Variants in MAP1S observed in about 807,000 individuals in gnomAD.
The protein encoded by MAP1S is microtubule associated protein 1S.
In MAP1S, 27 loss-of-function variants were observed where a neutral mutation model predicts 60.9. The ratio of observed to expected loss-of-function variants is 0.44; its 90% CI spans 0.33 to 0.61. The LOEUF (loss-of-function observed/expected upper bound fraction) is 0.61, where lower values mean the gene tolerates loss of function less well. MAP1S is among the 20% of genes least tolerant of loss of function. MAP1S has a pLI of 0.03. For missense variants in MAP1S, 1,608 were observed against 1,486.6 expected, an observed-to-expected ratio of 1.08 and a Z score of -1.34; for synonymous variants, 826 against 694.2, an observed-to-expected ratio of 1.19 and a Z score of -2.98.
At position 17,727,125 on chromosome 19, in the gene MAP1S, C is replaced by T. The variant is rs772289572; in HGVS notation, c.1741C>T (p.Arg581Cys). Reference protein sequence around the residue: ...SGFPPVANGPRSPPSLRCGEA... With the variant: ...SGFPPVANGPCSPPSLRCGEA... Reference sequence around the variant, plus strand: ...CTTCCCGCCGGTGGCAAATGGACCCCGCAGCCCGCCCAGCCTCCGATGTGG... The same window carrying T: ...CTTCCCGCCGGTGGCAAATGGACCCTGCAGCCCGCCCAGCCTCCGATGTGG... The change falls in exon 5 of 7, where the codon CGC (arginine) becomes TGC (cysteine). Residue 581 changes from arginine (R) to cysteine (C), a missense_variant. Arg to Cys is a radical substitution (Grantham distance 180). Coordinates refer to ENST00000324096, the MANE Select transcript of MAP1S (RefSeq NM_018174.6). This position sits in a 1 kb window ranked among gnomAD's most constrained non-coding sequence, Gnocchi z 4.1. 9 of 1,595,222 alleles carry T rather than the reference C, an allele frequency of 5.6e-6. No homozygotes were observed. Among genetic ancestry groups the T allele is most frequent in the East Asian group, 2.3e-5 (1 of 44,054 alleles).
chr19:17,729,852 G>A (rs964228079), intron 5 of MAP1S, among the ~76,000 whole-genome samples: 3 of 152,120 alleles, frequency 2.0e-5, no homozygotes. Context: ...TAGTAGAGAT[G>A]GGGTTTCACC....
chr19:17,732,097 C>T (rs2080498281), intron 5 of MAP1S, among the ~76,000 whole-genome samples: 1 of 152,208 alleles, frequency 6.6e-6, no homozygotes, highest in South Asian at 2.1e-4. Context: ...GTGTTCCTTC[C>T]TCTTCAGTTC....
intron 5 of MAP1S, chr19:17,732,965 T>A: frequency 1.9e-6 from 1 of 524,426 alleles, no homozygotes; most frequent in South Asian, 2.9e-5. Flanking sequence ...GGCAGGAGGA[T>A]CACTTGAGCC....
Position 17,725,831 on chromosome 19 carries a change from C to T in MAP1S, c.447C>T (p.Ile149=). The T allele has an allele frequency of 6.2e-7, 1 of 1,610,188 alleles. No individual in the cohort carries two copies. Among genetic ancestry groups the T allele is most frequent in the Non-Finnish European group, 8.5e-7 (1 of 1,178,594 alleles). ...CTTACCACTCCTCCTCCATACAGAT[C>T]CGGGACATCCTGGCCACCACGCCCC... ...HFLQVLKDRE[I]RDILATTPPP... Residue 149 remains isoleucine (I), a splice_region_variant and synonymous_variant, in exon 5 of 7, where the codon ATC becomes ATT. Transcript: ENST00000324096. The surrounding 1 kb of genome is among the most constrained non-coding windows in gnomAD (Gnocchi z 4.2).
chr19:17,727,194 C>T lies in MAP1S; in HGVS notation c.1810C>T (p.Gln604Ter), dbSNP rs1336993939. ...TGCAGCCTGCGGCTCTCCGGCCTCC[C>T]AGCTGGTGGCCACGCCCAGCCTGGA... ...PSAACGSPAS[Q>*]LVATPSLELG... Residue 604 changes from glutamine (Q) to a stop codon, truncating the protein, a stop_gained, in exon 5 of 7, where the codon CAG becomes TAG. Coordinates refer to ENST00000324096, the MANE Select transcript of MAP1S (RefSeq NM_018174.6). LOFTEE classifies it high-confidence loss of function. This position sits in a 1 kb window ranked among gnomAD's most constrained non-coding sequence, Gnocchi z 4.1. 1 of 1,575,400 alleles carries T rather than the reference C, an allele frequency of 6.3e-7. No individual in the cohort carries two copies. Among genetic ancestry groups the T allele is most frequent in the Non-Finnish European group, 8.6e-7 (1 of 1,164,818 alleles).
intron 1 of MAP1S, chr19:17,720,213 G>A (rs561058035): frequency 7.3e-7 from 1 of 1,367,334 alleles, no homozygotes; most frequent in Non-Finnish European, 9.4e-7. Flanking sequence ...TGGGACTGGC[G>A]GGCGTGATGC....
rs1274316164 is a variant in MAP1S at position 17,727,216 on chromosome 19, T to C, written c.1832T>C (p.Leu611Pro). Residue 611 changes from leucine (L) to proline (P), a missense_variant, in exon 5 of 7, where the codon CTG becomes CCG. Leu to Pro is a moderately conservative substitution (Grantham distance 98). Around this residue, in one of 4 missense-constraint regions of MAP1S, gnomAD observed 1,167 missense variants for 961.4 expected, o/e 1.21. Coordinates refer to ENST00000324096, the MANE Select transcript of MAP1S (RefSeq NM_018174.6). The surrounding 1 kb of genome is among the most constrained non-coding windows in gnomAD (Gnocchi z 4.1). ...TCCCAGCTGGTGGCCACGCCCAGCCTGGAGCTGGGGCCGATCCCAGCCGGG... is the reference window on the plus strand; with the variant it reads ...TCCCAGCTGGTGGCCACGCCCAGCCCGGAGCTGGGGCCGATCCCAGCCGGG... ...PASQLVATPS[L>P]ELGPIPAGEE... The C allele has an allele frequency of 1.3e-6, 2 of 1,568,740 alleles. No individual in the cohort carries two copies. The highest frequency in any genetic ancestry group is 3.6e-5 in the Admixed American group (2 of 54,906).
rs781687756 is a variant in MAP1S at position 17,727,212 on chromosome 19, A to C, written c.1828A>C (p.Ser610Arg). ...SPASQLVATP[S>R]LELGPIPAGE... ...GGCCTCCCAGCTGGTGGCCACGCCCAGCCTGGAGCTGGGGCCGATCCCAGC... is the reference window on the plus strand; with the variant it reads ...GGCCTCCCAGCTGGTGGCCACGCCCCGCCTGGAGCTGGGGCCGATCCCAGC... Residue 610 changes from serine (S) to arginine (R), a missense_variant, in exon 5 of 7, where the codon AGC becomes CGC. Ser to Arg is a moderately radical substitution (Grantham distance 110). This residue lies in a region of MAP1S where 1,167 missense variants were observed against 961.4 expected (regional missense o/e 1.21). Coordinates refer to ENST00000324096, the MANE Select transcript of MAP1S (RefSeq NM_018174.6). The surrounding 1 kb of genome is among the most constrained non-coding windows in gnomAD (Gnocchi z 4.1). 1.5e-4 allele frequency: 237 copies of C among 1,569,664 alleles called. 2 individuals are homozygous for C. The Middle Eastern group carries it at 6.1e-3, about 41-fold the overall frequency.
At chr19:17,723,397 A>C (rs2080388391) in intron 2 of MAP1S, among the ~76,000 whole-genome samples, 2 of 151,504 alleles carry the variant, frequency 1.3e-5, no homozygotes, top group Admixed American at 6.6e-5. Flanking sequence ...AAATTGAAAA[A>C]ATTAATGGGG....
chr19:17,723,779 GGAGGA>G (rs1435681707), intron 2 of MAP1S, among the ~76,000 whole-genome samples: 177 of 152,130 alleles, frequency 1.2e-3, no homozygotes, highest in African/African-American at 3.8e-3. Context: ...GAACCCGGGA[GGAGGA>G]GCGGAGCTTG....
At position 17,725,299 on chromosome 19, in the gene MAP1S, A is replaced by T; in HGVS notation, c.444+110A>T. 7.5e-7 allele frequency: 1 copy of T among 1,333,642 alleles called. No individual in the cohort carries two copies. The highest frequency in any genetic ancestry group is 1.0e-6 in the Non-Finnish European group (1 of 980,142). 82.6% of individuals were successfully genotyped at this position (1,333,642 alleles called of 1,614,324 possible). On this transcript the variant is annotated intron_variant, in intron 4 of 6. Transcript: ENST00000324096. This position sits in a 1 kb window ranked among gnomAD's most constrained non-coding sequence, Gnocchi z 4.2. ...CTGTTTTCCATGGCCTGGTCTCCCCATCCTCTGTAGGATGGCAGTGGTGAC... is the reference window on the plus strand; with the variant it reads ...CTGTTTTCCATGGCCTGGTCTCCCCTTCCTCTGTAGGATGGCAGTGGTGAC...
chr19:17,725,108 C>T lies in MAP1S; in HGVS notation c.363C>T (p.Cys121=), dbSNP rs141175074. 3.1e-5 allele frequency: 50 copies of T among 1,614,152 alleles called. No homozygotes were observed. In the South Asian group the frequency reaches 3.3e-4, roughly 11 times the overall value. Residue 121 remains cysteine, a synonymous_variant, in exon 4 of 7, where the codon TGC becomes TGT. Coordinates refer to ENST00000324096, the MANE Select transcript of MAP1S (RefSeq NM_018174.6). This position sits in a 1 kb window ranked among gnomAD's most constrained non-coding sequence, Gnocchi z 4.2. ...SHKLLVLAGP[C]LEETGELLLQ... is the part of the protein sequence containing the mutation. ...AGCTACTGGTGTTGGCTGGGCCCTG[C>T]CTGGAGGAGACGGGGGAGCTGCTGC...
chr19:17,726,768 C>T lies in MAP1S; in HGVS notation c.1384C>T (p.Gln462Ter). The T allele has an allele frequency of 6.4e-7, 1 of 1,558,624 alleles. No individual in the cohort carries two copies. Among genetic ancestry groups the T allele is most frequent in the Non-Finnish European group, 8.7e-7 (1 of 1,155,272 alleles). Residue 462 changes from glutamine (Q) to a stop codon, truncating the protein, a stop_gained, in exon 5 of 7, where the codon CAG becomes TAG. Coordinates refer to ENST00000324096, the MANE Select transcript of MAP1S (RefSeq NM_018174.6). LOFTEE classifies it high-confidence loss of function. ...CCTGCGAGAGCCCGTGGTGACGCCC[C>T]AGGACCTGGAGGGGCCGGGGCGAGC... is the stretch of plus-strand genomic sequence containing the variant. Reference protein sequence around the residue: ...RFLREPVVTPQDLEGPGRAES... With the variant: ...RFLREPVVTP
At chr19:17,731,045 C>G (rs922192998) in intron 5 of MAP1S, among the ~76,000 whole-genome samples, 3 of 151,988 alleles carry the variant, frequency 2.0e-5, no homozygotes, top group Non-Finnish European at 4.4e-5. Flanking sequence ...GCACCCACCA[C>G]CACACCTGGC....
intron 5 of MAP1S, chr19:17,728,759 T>G (rs562397451): frequency 2.6e-5 from 4 of 152,340 alleles, no homozygotes; most frequent in African/African-American, 9.6e-5. Context: ...TTTCACCATG[T>G]TGGCCAGGCT....
Position 17,728,006 on chromosome 19 carries a change from C to T in MAP1S, c.2622C>T (p.Ala874=), listed in dbSNP as rs756165629. 16 of 1,611,404 alleles carry T rather than the reference C, an allele frequency of 9.9e-6. No individual in the cohort carries two copies. Among genetic ancestry groups the T allele is most frequent in the Admixed American group, 3.3e-5 (2 of 59,750 alleles). Residue 874 remains alanine, a synonymous_variant, in exon 5 of 7, where the codon GCC becomes GCT. Transcript: ENST00000324096. ...TGGCCCGCCCCAACTCACGCGCTGC[C>T]GCCCCCAAAGCCACTCCAGTGGCTG... ...KPLARPNSRA[A]APKATPVAAA...
At chr19:17,732,934 C>G in intron 5 of MAP1S, 1 of 509,400 alleles carries the variant, frequency 2.0e-6, no homozygotes, top group East Asian at 3.3e-5. Flanking sequence ...CACCTGTAGT[C>G]CCATCTACTT....
At chr19:17,730,134 A>G (rs1339140650) in intron 5 of MAP1S, among the ~76,000 whole-genome samples, 4 of 152,144 alleles carry the variant, frequency 2.6e-5, no homozygotes, top group Non-Finnish European at 5.9e-5. Flanking sequence ...ATGAACCGCC[A>G]GACTGTTTTC....
At position 17,721,007 on chromosome 19, in the gene MAP1S, C is replaced by T; in HGVS notation, c.190C>T (p.His64Tyr). ...DEQLKVFVSR[H>Y]SATFSSIVKG... Reference sequence around the variant, plus strand: ...ACAGCTCAAGGTCTTTGTGTCCCGACACTCTGCCACCTTCTCCAGCATTGT... The same window carrying T: ...ACAGCTCAAGGTCTTTGTGTCCCGATACTCTGCCACCTTCTCCAGCATTGT... The change falls in exon 2 of 7, where the codon CAC becomes TAC. Residue 64 changes from histidine to tyrosine, a missense_variant. Physicochemically the swap from His to Tyr is moderately conservative, Grantham distance 83 (BLOSUM62 2). Around this residue, in one of 4 missense-constraint regions of MAP1S, gnomAD observed 320 missense variants for 393.1 expected, o/e 0.81. Transcript: ENST00000324096. 1 of 1,614,112 alleles carries T rather than the reference C, an allele frequency of 6.2e-7. No homozygotes were observed. The highest frequency in any genetic ancestry group is 1.1e-5 in the South Asian group (1 of 91,084).
Sources: gnomAD v4.1 joint callset for allele counts (sites outside exome capture counted in the v4.1 genomes callset) on GRCh38, gnomAD v4.1.1 for gene constraint, gnomAD v4.1.1 regional missense constraint, Gnocchi (gnomAD v3.1) non-coding constraint, MANE v1.5 for transcripts, NCBI Gene and HGNC (gene_info 2026-07-23, HGNC 2026-07-21) for gene names.